The following SH3PXD2B variants were observed in gnomAD, a reference collection of about 807,000 sequenced individuals.
SH3PXD2B encodes SH3 and PX domains 2B.
A neutral mutation model predicts 73.1 loss-of-function variants in SH3PXD2B; 37 were observed. The ratio of observed to expected loss-of-function variants is 0.51; its 90% CI spans 0.39 to 0.67. The LOEUF (loss-of-function observed/expected upper bound fraction) is 0.67, where lower values mean the gene tolerates loss of function less well. Ranked by LOEUF, SH3PXD2B falls within the 30% of genes least tolerant of loss-of-function variation. SH3PXD2B has a pLI of 0.00. For missense variants in SH3PXD2B, 1,053 were observed against 1,197.8 expected (o/e 0.88, Z 1.78); for synonymous variants, 457 against 480.5 (o/e 0.95, Z 0.64).
chr5:172,336,655 A>G lies in SH3PXD2B; in HGVS notation c.*1714T>C, dbSNP rs1756700585. The G allele has an allele frequency of 1.0e-6, 1 of 967,652 alleles. No homozygotes were observed. The highest frequency in any genetic ancestry group is 1.2e-6 in the Non-Finnish European group (1 of 824,672). The allele number at this position is 967,652 out of a possible 1,614,324, so 59.9% of individuals were successfully genotyped here. A position where few individuals can be genotyped will look rare whatever the true frequency, so the allele number is the denominator to read the frequency against. The stretch of plus-strand genomic sequence containing the variant: ...TGTGGGTCCAAAAGTATCTCGCCTG[A>G]TGAACACTGTGAACTGGAGATCTCT... On this transcript the variant is annotated 3_prime_UTR_variant, in exon 13 of 13. Transcript: ENST00000311601.
At chr5:172,427,855 G>A (rs949523973) in intron 1 of SH3PXD2B, among the ~76,000 whole-genome samples, 6 of 149,446 alleles carry the variant, frequency 4.0e-5, no homozygotes, top group Admixed American at 6.7e-5. Flanking sequence ...TCGGCTCACC[G>A]CAACCTCTGC....
rs555807819 is a variant in SH3PXD2B, at chr5:172,353,378, T to C, written c.785+510A>G. On this transcript the variant is annotated intron_variant, in intron 9 of 12. Transcript: ENST00000311601. The surrounding 1 kb of genome is among the most constrained non-coding windows in gnomAD (Gnocchi z 4.3). ...GGCAGGACGAGCTGGCCACCCTGCC[T>C]GCCTGGGAGGCTCTGATATCATCAC... Among the ~76,000 whole-genome samples the C allele has an allele frequency of 1.3e-5, 2 of 152,368 alleles. No homozygotes were observed. Among genetic ancestry groups the C allele is most frequent in the Admixed American group, 6.5e-5 (1 of 15,302 alleles).
chr5:172,357,361 T>G (rs1581271979), intron 8 of SH3PXD2B, among the ~76,000 whole-genome samples: 2 of 143,260 alleles, frequency 1.4e-5, no homozygotes, highest in East Asian at 2.1e-4. Context: ...GAGGCGGAGG[T>G]CGCAGTGAGC....
chr5:172,370,279 A>C (rs1400782627), intron 6 of SH3PXD2B, among the ~76,000 whole-genome samples: 2 of 152,228 alleles, frequency 1.3e-5, no homozygotes, highest in South Asian at 2.1e-4. Flanking sequence ...TCTGTCCAAG[A>C]AGCTCAACTT....
intron 2 of SH3PXD2B, among the ~76,000 whole-genome samples, chr5:172,417,010 CTG>C (rs1417197270): frequency 2.6e-5 from 4 of 152,106 alleles, no homozygotes; most frequent in Non-Finnish European, 4.4e-5. Flanking sequence ...CACTCGGTGA[CTG>C]TGAGTCTCTT....
chr5:172,396,054 T>C (rs1758287946), intron 3 of SH3PXD2B, among the ~76,000 whole-genome samples: 1 of 151,946 alleles, frequency 6.6e-6, no homozygotes, highest in African/African-American at 2.4e-5. Flanking sequence ...TAGGATGGCA[T>C]AGAAAAGTCT....
chr5:172,405,544 C>A (rs138181643), intron 3 of SH3PXD2B, among the ~76,000 whole-genome samples: 1 of 152,294 alleles, frequency 6.6e-6, no homozygotes, highest in Non-Finnish European at 1.5e-5. Context: ...GGGTGGCAGC[C>A]AGCACGGAAA....
Position 172,350,480 on chromosome 5 carries a change from C to G in SH3PXD2B, c.895G>C (p.Asp299His). The change falls in exon 10 of 13, where the codon GAC becomes CAC. Residue 299 changes from aspartate (D) to histidine (H), a missense_variant. Physicochemically the swap from Asp to His is moderately conservative, Grantham distance 81 (BLOSUM62 -1). Coordinates refer to ENST00000311601, the MANE Select transcript of SH3PXD2B (RefSeq NM_001017995.3). ...PGSPSHPGALDLDGVSRQQNA... is the reference protein window; with the variant it reads ...PGSPSHPGALHLDGVSRQQNA... ...TGCTGCCGGGAAACACCATCCAAGTCAAGGGCACCCGGGTGGGAGGGTGAG... is the reference window on the plus strand; with the variant it reads ...TGCTGCCGGGAAACACCATCCAAGTGAAGGGCACCCGGGTGGGAGGGTGAG... 6.2e-7 allele frequency: 1 copy of G among 1,614,154 alleles called. No individual in the cohort carries two copies. Among genetic ancestry groups the G allele is most frequent in the Non-Finnish European group, 8.5e-7 (1 of 1,180,028 alleles).
chr5:172,352,611 G>A (rs1757180645), intron 9 of SH3PXD2B, among the ~76,000 whole-genome samples: 2 of 152,316 alleles, frequency 1.3e-5, no homozygotes, highest in Admixed American at 6.5e-5. Flanking sequence ...ACATGTTGTG[G>A]GAGGGACTCA....
intron 1 of SH3PXD2B, among the ~76,000 whole-genome samples, chr5:172,425,628 G>A (rs925760752): frequency 6.6e-6 from 1 of 152,142 alleles, no homozygotes; most frequent in Non-Finnish European, 1.5e-5. Flanking sequence ...GGCTGAGCGG[G>A]GGAGGAGGCA....
chr5:172,372,900 G>A (rs530235328), intron 6 of SH3PXD2B, among the ~76,000 whole-genome samples: 9 of 152,288 alleles, frequency 5.9e-5, no homozygotes, highest in South Asian at 4.1e-4. Flanking sequence ...GGTATGGGCC[G>A]GGGCCTTTGC....
At chr5:172,387,920 CCT>C (rs58408718) in intron 4 of SH3PXD2B, among the ~76,000 whole-genome samples, 10,425 of 152,092 alleles carry the variant, frequency 0.069, 497 homozygotes, top group South Asian at 0.2. Context: ...TGTAATATTG[CCT>C]CTTACATTTA....
intron 1 of SH3PXD2B, among the ~76,000 whole-genome samples, chr5:172,432,319 C>T (rs1038443581): frequency 6.6e-6 from 1 of 152,206 alleles, no homozygotes; most frequent in Non-Finnish European, 1.5e-5. Flanking sequence ...GCTCACCAGA[C>T]AGCATGTTAG....
intron 8 of SH3PXD2B, among the ~76,000 whole-genome samples, chr5:172,357,386 T>G (rs1234587607): frequency 2.6e-5 from 4 of 151,708 alleles, no homozygotes; most frequent in Non-Finnish European, 5.9e-5. Context: ...ATCATGCCAC[T>G]GTACTCCAGC....
chr5:172,334,391 C>T lies in SH3PXD2B; in HGVS notation c.*3978G>A, dbSNP rs530292651. 1.1e-5 allele frequency: 11 copies of T among 990,788 alleles called. No homozygotes were observed. The highest frequency in any genetic ancestry group is 7.0e-5 in the African/African-American group (4 of 57,396). 61.4% of individuals were successfully genotyped at this position (990,788 alleles called of 1,614,324 possible). ...GAGGGCGCCCTGCACCCTCAGGCCTCGATGCATGCTGCTCTACCTCTCATC... is the reference window on the plus strand; with the variant it reads ...GAGGGCGCCCTGCACCCTCAGGCCTTGATGCATGCTGCTCTACCTCTCATC... On this transcript the variant is annotated 3_prime_UTR_variant, in exon 13 of 13. Coordinates refer to ENST00000311601, the MANE Select transcript of SH3PXD2B (RefSeq NM_001017995.3).
Position 172,357,660 on chromosome 5 carries a change from C to A in SH3PXD2B, c.667+1113G>T, listed in dbSNP as rs115643627. 8.3e-3 allele frequency among the ~76,000 whole-genome samples: 1,258 copies of A among 152,194 alleles called. 18 individuals are homozygous for A. Among genetic ancestry groups the A allele is most frequent in the African/African-American group, 0.028 (1,177 of 41,506 alleles). On this transcript the variant is annotated intron_variant, in intron 8 of 12. Coordinates refer to ENST00000311601, the MANE Select transcript of SH3PXD2B (RefSeq NM_001017995.3). Reference sequence around the variant, plus strand: ...GCTCTAGTTTCCATGCACTACATCACGACCCCTTAATCTGAGTTGATTCTG... The same window carrying A: ...GCTCTAGTTTCCATGCACTACATCAAGACCCCTTAATCTGAGTTGATTCTG...
intron 6 of SH3PXD2B, among the ~76,000 whole-genome samples, chr5:172,365,567 C>G (rs1757497421): frequency 6.6e-6 from 1 of 151,896 alleles, no homozygotes; most frequent in Non-Finnish European, 1.5e-5. Context: ...ATTTCCAGCC[C>G]TCTCCTCATC....
rs377730128 is a variant in SH3PXD2B at position 172,449,278 on chromosome 5, A to G, written c.75+5000T>C. Among the ~76,000 whole-genome samples the G allele has an allele frequency of 4.6e-5, 7 of 152,356 alleles. No individual in the cohort carries two copies. In the South Asian group the frequency reaches 6.2e-4, roughly 14 times the overall value. On this transcript the variant is annotated intron_variant, in intron 1 of 12. Transcript: ENST00000311601. ...GCCTGGGATGGCCCCAGTATCTCAT[A>G]TAAGGGGAAACCGGGGTCCAGAAGC...
At chr5:172,330,188 T>C (rs1756529276), downstream of SH3PXD2B, among the ~76,000 whole-genome samples, 1 of 152,222 alleles carries the variant, frequency 6.6e-6, no homozygotes, top group African/African-American at 2.4e-5. Context: ...CTTCAGATTT[T>C]GGAGTATTTC....
Sources: gnomAD v4.1 joint callset for allele counts (sites outside exome capture counted in the v4.1 genomes callset) on GRCh38, gnomAD v4.1.1 for gene constraint, Gnocchi (gnomAD v3.1) non-coding constraint, MANE v1.5 for transcripts, NCBI Gene and HGNC (gene_info 2026-07-23, HGNC 2026-07-21) for gene names.